The following RASA2 variants were observed in gnomAD, a reference collection of about 807,000 sequenced individuals.
The protein encoded by RASA2 is ras GTPase-activating protein 2.
RASA2 carries 155 observed loss-of-function variants against 118.2 expected under a neutral mutation model. The ratio of observed to expected loss-of-function variants is 1.31; its 90% CI spans 1.15 to 1.50. RASA2 has a LOEUF of 1.50. RASA2 is among the 40% of genes most tolerant of loss of function. The probability of loss-of-function intolerance (pLI) is 0.00; values close to 1 mark genes in which losing one functional copy is unlikely to be tolerated. For missense variants in RASA2, 1,016 were observed against 1,009.6 expected (o/e 1.01, Z -0.09); for synonymous variants, 353 against 349.1 (o/e 1.01, Z -0.12).
At chr3:141,540,728 A>G (rs2082394179) in intron 5 of RASA2, 119 bp downstream of exon 5, 4 of 768,596 alleles carry the variant, frequency 5.2e-6, no homozygotes, top group Admixed American at 2.7e-5. Flanking sequence ...AAATTCTGCT[A>G]TGTCATTCCT....
At chr3:141,550,311 A>G (rs914889290) in intron 5 of RASA2, among the ~76,000 whole-genome samples, 39 of 152,240 alleles carry the variant, frequency 2.6e-4, no homozygotes, top group African/African-American at 9.4e-4. Context: ...CAACCTAATC[A>G]TGAGTAAACA....
chr3:141,508,068 A>G (rs551572475), intron 1 of RASA2, among the ~76,000 whole-genome samples: 1 of 152,244 alleles, frequency 6.6e-6, no homozygotes, highest in Admixed American at 6.5e-5. Flanking sequence ...ACCGTCAAAC[A>G]ATGTTGAGAA....
intron 4 of RASA2, among the ~76,000 whole-genome samples, chr3:141,530,976 A>G (rs2082251394): frequency 6.6e-6 from 1 of 152,082 alleles, no homozygotes; most frequent in South Asian, 2.1e-4. Flanking sequence ...ATTTCTATAA[A>G]GTGGGAATAA....
chr3:141,595,710 C>T (rs115894572), intron 19 of RASA2, among the ~76,000 whole-genome samples: 1,546 of 152,018 alleles, frequency 0.01, 43 homozygotes, highest in African/African-American at 0.036. Context: ...CTCACTGCAG[C>T]CTTGACCTCC....
intron 19 of RASA2, among the ~76,000 whole-genome samples, chr3:141,598,812 C>T (rs1419869394): frequency 6.6e-6 from 1 of 152,080 alleles, no homozygotes; most frequent in Non-Finnish European, 1.5e-5. Flanking sequence ...AGGCTGGGCA[C>T]GGTGGTTCAC....
chr3:141,543,881 T>TTC (rs1471805638), intron 5 of RASA2, among the ~76,000 whole-genome samples: 16 of 131,684 alleles, frequency 1.2e-4, no homozygotes, highest in African/African-American at 5.9e-4. Context: ...TTTTTCTTTT[T>TTC]TTTTTTTTTT....
intron 19 of RASA2, among the ~76,000 whole-genome samples, chr3:141,605,762 T>A (rs2083538233): frequency 6.6e-6 from 1 of 152,102 alleles, no homozygotes; most frequent in Non-Finnish European, 1.5e-5. Context: ...GTGATTTTTT[T>A]TTTTTTTGGT....
chr3:141,612,551 T>C lies in RASA2; in HGVS notation c.*238T>C. Reference sequence around the variant, plus strand: ...TCATACCTGTGTGACCAAATCCATGTTTCTGCAACTTCTTTTTAATCGAAA... The same window carrying C: ...TCATACCTGTGTGACCAAATCCATGCTTCTGCAACTTCTTTTTAATCGAAA... On this transcript the variant is annotated 3_prime_UTR_variant, in exon 24 of 24. Coordinates refer to ENST00000286364, the MANE Select transcript of RASA2 (RefSeq NM_006506.5). The C allele has an allele frequency of 2.6e-6, 1 of 381,884 alleles. No homozygotes were observed. Among genetic ancestry groups the C allele is most frequent in the Non-Finnish European group, 4.8e-6 (1 of 208,706 alleles). 23.7% of individuals were successfully genotyped at this position (381,884 alleles called of 1,614,324 possible). A position where few individuals can be genotyped will look rare whatever the true frequency, so the allele number is the denominator to read the frequency against.
chr3:141,547,905 A>G (rs1267986969), intron 5 of RASA2, among the ~76,000 whole-genome samples: 1 of 152,084 alleles, frequency 6.6e-6, no homozygotes, highest in Non-Finnish European at 1.5e-5. Flanking sequence ...GGACTGTTGA[A>G]TTTTGTCAAA....
In RASA2 at chr3:141,553,542, C is replaced by T. The variant is rs534733694; in HGVS notation, c.528-315C>T. Among the ~76,000 whole-genome samples, 4 of 152,048 alleles carry T rather than the reference C, an allele frequency of 2.6e-5. No homozygotes were observed. The South Asian group carries it at 8.3e-4, about 32-fold the overall frequency. On this transcript the variant is annotated intron_variant, in intron 5 of 23. Coordinates refer to ENST00000286364, the MANE Select transcript of RASA2 (RefSeq NM_006506.5). Reference sequence around the variant, plus strand: ...TTCCTTGGAGCATCATGTCAGTGCTCAGAAAGTTTTGAATTTTGGAGGACT... The same window carrying T: ...TTCCTTGGAGCATCATGTCAGTGCTTAGAAAGTTTTGAATTTTGGAGGACT...
At chr3:141,500,086 C>A (rs1301124048) in intron 1 of RASA2, among the ~76,000 whole-genome samples, 1 of 152,204 alleles carries the variant, frequency 6.6e-6, no homozygotes, top group Non-Finnish European at 1.5e-5. Context: ...GGTACTATTT[C>A]TCATTCTCTG....
chr3:141,502,084 G>A (rs1244832965), intron 1 of RASA2, among the ~76,000 whole-genome samples: 3 of 151,948 alleles, frequency 2.0e-5, no homozygotes, highest in Admixed American at 1.3e-4. Context: ...TTCAGATTTG[G>A]GATGCACAAC....
chr3:141,591,569 C>CA (rs1259758768), intron 19 of RASA2, among the ~76,000 whole-genome samples: 1 of 152,184 alleles, frequency 6.6e-6, no homozygotes, highest in Non-Finnish European at 1.5e-5. Flanking sequence ...TATATGCTGT[C>CA]ATCTGAATTA....
chr3:141,505,764 G>GTCTC (rs1374047320), intron 1 of RASA2, among the ~76,000 whole-genome samples: 2 of 145,062 alleles, frequency 1.4e-5, no homozygotes, highest in Non-Finnish European at 3.1e-5. Flanking sequence ...ATTTATACGT[G>GTCTC]TCTCTGTGTT....
intron 19 of RASA2, among the ~76,000 whole-genome samples, chr3:141,595,025 T>C (rs1485588222): frequency 6.6e-6 from 1 of 152,186 alleles, no homozygotes; most frequent in Admixed American, 6.5e-5. Flanking sequence ...GGGTCTTATA[T>C]TTTATGTGAA....
At chr3:141,511,412 G>A (rs1266917866) in intron 1 of RASA2, among the ~76,000 whole-genome samples, 2 of 152,176 alleles carry the variant, frequency 1.3e-5, no homozygotes, top group African/African-American at 4.8e-5. Context: ...GGCATTGCAT[G>A]TTTAGAGGTA....
At chr3:141,565,527 A>T (rs904282427) in intron 9 of RASA2, among the ~76,000 whole-genome samples, 1 of 152,138 alleles carries the variant, frequency 6.6e-6, no homozygotes, top group Non-Finnish European at 1.5e-5. Context: ...GGTGGTTTCA[A>T]ATCCCCATAC....
chr3:141,579,798 G>C (rs9829588), intron 15 of RASA2, among the ~76,000 whole-genome samples: 38,131 of 151,492 alleles, frequency 0.25, 5,397 homozygotes, highest in Non-Finnish European at 0.32. Context: ...GCTCATGCCT[G>C]TAATCCCAGC....
At chr3:141,502,328 C>T (rs970023104) in intron 1 of RASA2, among the ~76,000 whole-genome samples, 1 of 152,128 alleles carries the variant, frequency 6.6e-6, no homozygotes, top group East Asian at 1.9e-4. Flanking sequence ...TTCAGACTAT[C>T]AGAGTACTTT....
Sources: allele counts gnomAD v4.1 joint callset (sites outside exome capture counted in the v4.1 genomes callset), GRCh38; gene constraint gnomAD v4.1.1; transcripts MANE v1.5; gene names NCBI Gene and HGNC (gene_info 2026-07-23, HGNC 2026-07-21).